Variants in WDR90 observed in about 807,000 individuals in gnomAD.
The protein encoded by WDR90 is WD repeat-containing protein 90.
A neutral mutation model predicts 195.2 loss-of-function variants in WDR90; 238 were observed. That is an observed-to-expected ratio of 1.22 (90% CI 1.10 to 1.36). WDR90 has a LOEUF of 1.36. Among genes scored for constraint, WDR90 ranks in the 40% most tolerant of loss-of-function variants. The pLI is 0.00. For synonymous variants in WDR90, 1,265 were observed against 1,052.4 expected, an observed-to-expected ratio of 1.20 and a Z score of -3.91; for missense variants, 2,734 against 2,439.5, an observed-to-expected ratio of 1.12 and a Z score of -2.54.
intron 40 of WDR90, 64 bp from the exon 41 acceptor site, chr16:667,368 T>G: frequency 1.3e-6 from 2 of 1,542,350 alleles, no homozygotes; most frequent in Non-Finnish European, 1.7e-6. Context: ...TCTGGGTGGG[T>G]TGGGGGAGCC....
chr16:667,733 T>A lies in WDR90; in HGVS notation c.*144T>A. On this transcript the variant is annotated 3_prime_UTR_variant, in exon 41 of 41. Coordinates refer to ENST00000293879, the MANE Select transcript of WDR90 (RefSeq NM_145294.5). The stretch of plus-strand genomic sequence containing the variant: ...GTAAATCGCCTGGAGCAAGCTGTTG[T>A]AAATTTGGCGCCCTGTGAATACTTT... 1 of 1,294,314 alleles carries A rather than the reference T, an allele frequency of 7.7e-7. No homozygotes were observed. The highest frequency in any genetic ancestry group is 1.1e-6 in the Non-Finnish European group (1 of 927,660). 80.2% of individuals were successfully genotyped at this position (1,294,314 alleles called of 1,614,324 possible). A position where few individuals can be genotyped will look rare whatever the true frequency, so the allele number is the denominator to read the frequency against.
At position 653,751 on chromosome 16, in the gene WDR90, C is replaced by CT. The variant is rs769619685; in HGVS notation, c.1386dup (p.Asp463Ter). On this transcript the variant is annotated frameshift_variant, in exon 13 of 41. Coordinates refer to ENST00000293879, the MANE Select transcript of WDR90 (RefSeq NM_145294.5). LOFTEE classifies it high-confidence loss of function. The stretch of plus-strand genomic sequence containing the variant: ...CACCTCCTCCCTGTTCACAGCTTCT[C>CT]TGACAGCGGGGCCCTTCTCTGCGGG... 4 of 1,613,294 alleles carry CT rather than the reference C, an allele frequency of 2.5e-6. No individual in the cohort carries two copies. The highest frequency in any genetic ancestry group is 3.4e-6 in the Non-Finnish European group (4 of 1,180,010).
chr16:657,734 A>C, intron 20 of WDR90, 28 bp from the exon 21 acceptor site: 1 of 1,525,014 alleles, frequency 6.6e-7, no homozygotes, highest in Non-Finnish European at 8.8e-7. Flanking sequence ...CTCCCCACCC[A>C]GCTGACCCCT....
In WDR90 at chr16:662,009, C is replaced by G. The variant is rs761884544; in HGVS notation, c.3983C>G (p.Thr1328Arg). The G allele has an allele frequency of 2.5e-6, 4 of 1,603,810 alleles. No individual in the cohort carries two copies. In the Admixed American group the frequency reaches 6.7e-5, roughly 27 times the overall value. Residue 1328 changes from threonine to arginine, a missense_variant, in exon 32 of 41, where the codon ACG (threonine) becomes AGG (arginine). Coordinates refer to ENST00000293879, the MANE Select transcript of WDR90 (RefSeq NM_145294.5). ...TSSGQVCVWD[T>R]RAGRCFLSWE... ...TCTGGCCAGGTCTGTGTCTGGGACA[C>G]GCGTGCCGGCCGCTGCTTCTTGTCC...
In WDR90 at chr16:667,665, C is replaced by T. The variant is rs1228329989; in HGVS notation, c.*76C>T. ...CCTGGACACAGGCTTGGCAGAGGCG[C>T]CAGGTTGTCAATGGCCTCATGCTGG... On this transcript the variant is annotated 3_prime_UTR_variant, in exon 41 of 41. Transcript: ENST00000293879. 2.5e-6 allele frequency: 4 copies of T among 1,582,210 alleles called. No homozygotes were observed. The Admixed American group carries it at 5.2e-5, about 20-fold the overall frequency.
At chr16:662,585 TG>T in intron 33 of WDR90, 93 bp from the exon 34 acceptor site, 1 of 1,477,082 alleles carries the variant, frequency 6.8e-7, no homozygotes, top group Admixed American at 2.3e-5. Flanking sequence ...TGAGATGCAA[TG>T]CTGAGGGCCC....
chr16:664,432 T>C (rs926224632), intron 34 of WDR90, among the ~76,000 whole-genome samples: 1 of 152,164 alleles, frequency 6.6e-6, no homozygotes, highest in African/African-American at 2.4e-5. Flanking sequence ...GGATAGATCA[T>C]GTGTGTGTCC....
intron 14 of WDR90, 28 bp downstream of exon 14, chr16:655,175 G>A (rs764056357): frequency 2.3e-5 from 37 of 1,612,410 alleles, no homozygotes; most frequent in Non-Finnish European, 3.0e-5. Flanking sequence ...CCACGATGTT[G>A]GGAGAGGGTC....
Position 658,554 on chromosome 16 carries a change from C to A in WDR90, c.2796C>A (p.Pro932=). Residue 932 remains proline (P), a synonymous_variant, in exon 23 of 41, where the codon CCC becomes CCA. Coordinates refer to ENST00000293879, the MANE Select transcript of WDR90 (RefSeq NM_145294.5). ...ELPGVHPEPC[P]SLTLSEDARF... ...CCGGTGTCCACCCTGAGCCCTGCCC[C>A]TCCTTGACGCTCAGTGAGGACGCCC... 1.9e-6 allele frequency: 3 copies of A among 1,612,668 alleles called. No homozygotes were observed. Among genetic ancestry groups the A allele is most frequent in the Non-Finnish European group, 2.5e-6 (3 of 1,179,850 alleles).
chr16:657,245 G>A (rs1217808705), intron 20 of WDR90, 24 bp downstream of exon 20: 14 of 1,528,464 alleles, frequency 9.2e-6, no homozygotes, highest in South Asian at 1.2e-5. Context: ...CAGCCACTCT[G>A]GGGGACTCCT....
At chr16:662,999 G>C in intron 34 of WDR90, 155 bp downstream of exon 34, 1 of 1,166,404 alleles carries the variant, frequency 8.6e-7, no homozygotes, top group Non-Finnish European at 1.2e-6. Context: ...AGTCTTGGGT[G>C]TGCACGTCCC....
rs1451901919 is a variant in WDR90 at position 661,801 on chromosome 16, A to G, written c.3864+14A>G. On this transcript the variant is annotated intron_variant, in intron 31 of 40. Coordinates refer to ENST00000293879, the MANE Select transcript of WDR90 (RefSeq NM_145294.5). ...ATCAGCCTTCAGGTGCCACCCGTTC[A>G]GCGTTTGGGCCCAGGGGTTGTTTTG... 2.5e-6 allele frequency: 4 copies of G among 1,591,038 alleles called. No individual in the cohort carries two copies. Among genetic ancestry groups the G allele is most frequent in the East Asian group, 2.2e-5 (1 of 44,534 alleles).
At position 651,986 on chromosome 16, in the gene WDR90, G is replaced by C. The variant is rs201213089; in HGVS notation, c.1000G>C (p.Val334Leu). 1.9e-6 allele frequency: 3 copies of C among 1,606,676 alleles called. No individual in the cohort carries two copies. The highest frequency in any genetic ancestry group is 2.7e-5 in the African/African-American group (2 of 74,844). Reference protein sequence around the residue: ...DIHTAAAGTHVLTHESAEVPV... With the variant: ...DIHTAAAGTHLLTHESAEVPV... Reference sequence around the variant, plus strand: ...CCACACGGCTGCTGCCGGCACCCACGTGTTGACTCACGAGTCGGCTGAGGT... The same window carrying C: ...CCACACGGCTGCTGCCGGCACCCACCTGTTGACTCACGAGTCGGCTGAGGT... Residue 334 changes from valine (V) to leucine (L), a missense_variant, in exon 9 of 41, where the codon GTG (valine) becomes CTG (leucine). Val to Leu is a conservative substitution (Grantham distance 32, BLOSUM62 1). Transcript: ENST00000293879.
Position 661,118 on chromosome 16 carries a change from C to G in WDR90, c.3459C>G (p.His1153Gln). ...ACCTGCACTCTGGCGCCCAGCAGCA[C>G]TGGTCCGGCCACTCTGCGGAGATCT... ...VEDLHSGAQQ[H>Q]WSGHSAEIST... Residue 1153 changes from histidine (H) to glutamine (Q), a missense_variant, in exon 29 of 41, where the codon CAC (histidine) becomes CAG (glutamine). By Grantham distance (24) the His-to-Gln change is conservative. Coordinates refer to ENST00000293879, the MANE Select transcript of WDR90 (RefSeq NM_145294.5). The G allele has an allele frequency of 4.5e-6, 7 of 1,563,932 alleles. No individual in the cohort carries two copies. The highest frequency in any genetic ancestry group is 6.0e-6 in the Non-Finnish European group (7 of 1,162,442).
Position 662,031 on chromosome 16 carries a change from G to A in WDR90, c.4005G>A (p.Leu1335=), listed in dbSNP as rs1239815261. The A allele has an allele frequency of 1.2e-6, 2 of 1,602,546 alleles. No individual in the cohort carries two copies. The highest frequency in any genetic ancestry group is 2.7e-5 in the African/African-American group (2 of 74,922). ...ACACGCGTGCCGGCCGCTGCTTCTT[G>A]TCCTGGGAGGCGGATGACGGTGGCA... is the stretch of plus-strand genomic sequence containing the variant. The part of the protein sequence containing the change: ...VWDTRAGRCF[L]SWEADDGGIG... Residue 1335 remains leucine, a synonymous_variant, in exon 32 of 41, where the codon TTG becomes TTA. Coordinates refer to ENST00000293879, the MANE Select transcript of WDR90 (RefSeq NM_145294.5).
chr16:666,491 C>T lies in WDR90; in HGVS notation c.4777C>T (p.Leu1593=). The part of the protein sequence containing the change: ...DLGVEGTDLW[L]AASGDQRVSV... Reference sequence around the variant, plus strand: ...AGGGGTGGAGGGCACAGACCTATGGCTGGCTGCCAGTGGGGACCAGCGGGT... The same window carrying T: ...AGGGGTGGAGGGCACAGACCTATGGTTGGCTGCCAGTGGGGACCAGCGGGT... Residue 1593 remains leucine, a synonymous_variant, in exon 38 of 41, where the codon CTG becomes TTG. Transcript: ENST00000293879. 6.2e-7 allele frequency: 1 copy of T among 1,612,692 alleles called. No individual in the cohort carries two copies. The highest frequency in any genetic ancestry group is 1.3e-5 in the African/African-American group (1 of 75,066).
At position 656,780 on chromosome 16, in the gene WDR90, C is replaced by T. The variant is rs1420913059; in HGVS notation, c.2251C>T (p.His751Tyr). 6.2e-7 allele frequency: 1 copy of T among 1,613,298 alleles called. No homozygotes were observed. The highest frequency in any genetic ancestry group is 8.5e-7 in the Non-Finnish European group (1 of 1,179,982). Residue 751 changes from histidine to tyrosine, a missense_variant, in exon 19 of 41, where the codon CAC becomes TAC. Coordinates refer to ENST00000293879, the MANE Select transcript of WDR90 (RefSeq NM_145294.5). ...SEDAPCAVTF[H>Y]PTRPTFFCGF... The stretch of plus-strand genomic sequence containing the variant: ...GGACGCCCCGTGCGCTGTCACCTTC[C>T]ACCCCACAAGGCCAACCTTTTTCTG...
In WDR90 at chr16:662,276, C is replaced by A; in HGVS notation, c.4090C>A (p.Arg1364Ser). ...LVSGSSTGRL[R>S]LWAVGAVSEL... ...CAGCGGCAGCAGCACGGGGCGGCTG[C>A]GCCTGTGGGCCGTGGGGGCTGTGTC... Residue 1364 changes from arginine to serine, a missense_variant, in exon 33 of 41, where the codon CGC (arginine) becomes AGC (serine). By Grantham distance (110) the Arg-to-Ser change is moderately radical. Coordinates refer to ENST00000293879, the MANE Select transcript of WDR90 (RefSeq NM_145294.5). 1.3e-6 allele frequency: 2 copies of A among 1,585,410 alleles called. No homozygotes were observed. Among genetic ancestry groups the A allele is most frequent in the East Asian group, 4.6e-5 (2 of 43,582 alleles).
intron 7 of WDR90, 42 bp downstream of exon 7, chr16:651,308 A>G (rs771555091): frequency 6.2e-7 from 1 of 1,605,506 alleles, no homozygotes; most frequent in East Asian, 2.2e-5. Flanking sequence ...TAAGGCCTGT[A>G]GGGTGCGTGG....
Sources: gnomAD v4.1 joint callset for allele counts (sites outside exome capture counted in the v4.1 genomes callset) on GRCh38, gnomAD v4.1.1 for gene constraint, MANE v1.5 for transcripts, NCBI Gene and HGNC (gene_info 2026-07-23, HGNC 2026-07-21) for gene names.